Variants in PPM1E observed in about 807,000 individuals in gnomAD.
PPM1E encodes protein phosphatase 1E.
Under a neutral mutation model 65.9 loss-of-function variants are expected in PPM1E, and 20 were observed. The observed-to-expected ratio is 0.30, with a 90% CI of 0.21 to 0.44. The LOEUF (loss-of-function observed/expected upper bound fraction) is 0.44, where lower values mean the gene tolerates loss of function less well. Among genes scored for constraint, PPM1E ranks in the 20% least tolerant of loss-of-function variants. The pLI is 1.00. For synonymous variants in PPM1E, 352 were observed against 374.9 expected (o/e 0.94, Z 0.70); for missense variants, 713 against 953.1 (o/e 0.75, Z 3.32).
chr17:58,879,700 G>A (rs1251765134), intron 1 of PPM1E, among the ~76,000 whole-genome samples: 1 of 151,596 alleles, frequency 6.6e-6, no homozygotes, highest in Non-Finnish European at 1.5e-5. Context: ...TAGTAGAGAC[G>A]GGGTTTCACC....
At chr17:58,770,953 T>G (rs1367118988) in intron 1 of PPM1E, among the ~76,000 whole-genome samples, 1 of 151,712 alleles carries the variant, frequency 6.6e-6, no homozygotes, top group Non-Finnish European at 1.5e-5. Flanking sequence ...GCCTCCTGGG[T>G]TCAAGTGATT....
chr17:58,943,228 T>C (rs940036790), intron 1 of PPM1E, among the ~76,000 whole-genome samples: 1 of 152,074 alleles, frequency 6.6e-6, no homozygotes, highest in Non-Finnish European at 1.5e-5. Context: ...TCCATTTCTC[T>C]TCTTCGCTTT....
chr17:58,942,005 CAA>C (rs1173378193), intron 1 of PPM1E, among the ~76,000 whole-genome samples: 12 of 67,792 alleles, frequency 1.8e-4, no homozygotes, highest in East Asian at 4.9e-4. Context: ...GACTTCGTCT[CAA>C]AAAAAAAAAA....
intron 1 of PPM1E, among the ~76,000 whole-genome samples, chr17:58,823,931 C>A (rs978083154): frequency 6.6e-6 from 1 of 152,132 alleles, no homozygotes; most frequent in Admixed American, 6.6e-5. Flanking sequence ...AGGGTTTCAC[C>A]ACGTTAGCCA....
In PPM1E at chr17:58,885,901, TCA is replaced by T. The variant is rs1294945685; in HGVS notation, c.465-69745_465-69744del. Among the ~76,000 whole-genome samples, 4 of 152,214 alleles carry T rather than the reference TCA, an allele frequency of 2.6e-5. No homozygotes were observed. The East Asian group carries it at 7.7e-4, about 29-fold the overall frequency. On this transcript the variant is annotated intron_variant, in intron 1 of 6. Transcript: ENST00000308249. The stretch of plus-strand genomic sequence containing the variant: ...GGGAGTAGGGAGGAGAATCAACTGT[TCA>T]CATACACAGACTTTTATCCTGGTTT...
At chr17:58,890,494 A>G (rs2051331613) in intron 1 of PPM1E, among the ~76,000 whole-genome samples, 1 of 152,162 alleles carries the variant, frequency 6.6e-6, no homozygotes, top group African/African-American at 2.4e-5. Flanking sequence ...AGGTAACTCA[A>G]ATTTTTACCA....
intron 1 of PPM1E, among the ~76,000 whole-genome samples, chr17:58,771,660 A>G (rs1391159831): frequency 6.8e-6 from 1 of 147,524 alleles, no homozygotes; most frequent in Non-Finnish European, 1.5e-5. Flanking sequence ...AAAGAAAGAA[A>G]AGGAAAATAT....
intron 2 of PPM1E, among the ~76,000 whole-genome samples, chr17:58,958,949 C>T (rs988286351): frequency 5.9e-5 from 9 of 151,974 alleles, no homozygotes; most frequent in Non-Finnish European, 1.2e-4. Flanking sequence ...TAACATAACA[C>T]TGATACCAGA....
At chr17:58,850,295 A>T (rs1410028830) in intron 1 of PPM1E, among the ~76,000 whole-genome samples, 1 of 152,110 alleles carries the variant, frequency 6.6e-6, no homozygotes, top group Non-Finnish European at 1.5e-5. Flanking sequence ...TAATATTGTT[A>T]TGTGTGAATT....
intron 1 of PPM1E, among the ~76,000 whole-genome samples, chr17:58,870,405 T>A (rs1292235192): frequency 6.6e-6 from 1 of 152,158 alleles, no homozygotes; most frequent in Admixed American, 6.5e-5. Context: ...TATTGTGTGA[T>A]GCTGAGGTTT....
chr17:58,877,265 C>T (rs1377719112), intron 1 of PPM1E, among the ~76,000 whole-genome samples: 1 of 152,022 alleles, frequency 6.6e-6, no homozygotes, highest in African/African-American at 2.4e-5. Context: ...GAGTTTTTTC[C>T]TCATTGTTAA....
chr17:58,903,717 G>C (rs926553297), intron 1 of PPM1E, among the ~76,000 whole-genome samples: 2 of 151,970 alleles, frequency 1.3e-5, no homozygotes, highest in Non-Finnish European at 2.9e-5. Flanking sequence ...GAAGGAAGAG[G>C]GCCTAGAAAA....
At chr17:58,854,617 T>C (rs2050862564) in intron 1 of PPM1E, among the ~76,000 whole-genome samples, 1 of 152,178 alleles carries the variant, frequency 6.6e-6, no homozygotes, top group Non-Finnish European at 1.5e-5. Context: ...TTTTTATCAT[T>C]AAAGTTTTTT....
At chr17:58,817,608 A>AAACAT (rs1427245206) in intron 1 of PPM1E, among the ~76,000 whole-genome samples, 1 of 152,214 alleles carries the variant, frequency 6.6e-6, no homozygotes, top group East Asian at 1.9e-4. Flanking sequence ...TCAGCAAGTG[A>AAACAT]AACATGCTGT....
chr17:58,928,057 C>G (rs1035400082), intron 1 of PPM1E, among the ~76,000 whole-genome samples: 1 of 150,578 alleles, frequency 6.6e-6, no homozygotes, highest in Non-Finnish European at 1.5e-5. Context: ...AAGACTCCAT[C>G]TCAATTAAAA....
chr17:58,962,496 C>T (rs2030063366), intron 2 of PPM1E, among the ~76,000 whole-genome samples: 1 of 152,066 alleles, frequency 6.6e-6, no homozygotes, highest in South Asian at 2.1e-4. Context: ...GTTTTGTAAT[C>T]CTGTTATGGC....
intron 1 of PPM1E, among the ~76,000 whole-genome samples, chr17:58,875,855 G>A (rs978689918): frequency 6.6e-6 from 1 of 152,104 alleles, no homozygotes; most frequent in Non-Finnish European, 1.5e-5. Context: ...GATATAGCTA[G>A]TTTAATCATA....
At chr17:58,769,507 G>A (rs1480907672) in intron 1 of PPM1E, among the ~76,000 whole-genome samples, 1 of 151,974 alleles carries the variant, frequency 6.6e-6, no homozygotes, top group African/African-American at 2.4e-5. Flanking sequence ...TGAGGTGGGA[G>A]GATGATCTGA....
chr17:58,758,998 A>T (rs528265676), intron 1 of PPM1E, among the ~76,000 whole-genome samples: 2 of 152,174 alleles, frequency 1.3e-5, no homozygotes, highest in Non-Finnish European at 2.9e-5. Flanking sequence ...TGAACCCAGG[A>T]GGCGGAGGTT....
Sources: allele counts gnomAD v4.1 joint callset (sites outside exome capture counted in the v4.1 genomes callset), GRCh38; gene constraint gnomAD v4.1.1; transcripts MANE v1.5; gene names NCBI Gene and HGNC (gene_info 2026-07-23, HGNC 2026-07-21).